DNAH3: variants seen among roughly 807,000 people sequenced by gnomAD.
The protein encoded by DNAH3 is axonemal beta dynein heavy chain 3.
A neutral mutation model predicts 432.5 loss-of-function variants in DNAH3; 332 were observed. The observed-to-expected ratio is 0.77, with a 90% CI of 0.70 to 0.84. The LOEUF (loss-of-function observed/expected upper bound fraction) is 0.84. DNAH3 is among the 40% of genes least tolerant of loss of function. The pLI, the probability that DNAH3 is intolerant of heterozygous loss-of-function variation, is 0.00. For missense variants in DNAH3, 4,861 were observed against 5,114.0 expected (o/e 0.95, Z 1.51); for synonymous variants, 1,956 against 1,900.2 (o/e 1.03, Z -0.76).
chr16:21,054,878 T>C (rs1340182554), intron 27 of DNAH3, among the ~76,000 whole-genome samples: 2 of 152,178 alleles, frequency 1.3e-5, no homozygotes, highest in African/African-American at 4.8e-5. Context: ...GACATTTTTT[T>C]TGGGTGGTGT....
At chr16:21,021,276 G>A (rs764743720) in intron 40 of DNAH3, among the ~76,000 whole-genome samples, 75 of 152,168 alleles carry the variant, frequency 4.9e-4, no homozygotes, top group Non-Finnish European at 8.7e-4. Context: ...GGATCAATAA[G>A]TCTACATTTA....
chr16:21,003,491 G>A (rs2087129505), intron 41 of DNAH3, among the ~76,000 whole-genome samples: 2 of 152,170 alleles, frequency 1.3e-5, no homozygotes, highest in South Asian at 4.1e-4. Flanking sequence ...AATAGAACAA[G>A]GCCAGGTACA....
In DNAH3 at chr16:21,019,356, C is replaced by T. The variant is rs375367319; in HGVS notation, c.6022+268G>A. ...TGTATTTTTAATAGAGACGGGGTTT[C>T]ACCATGTTGGCCAGGCCGGTCTTGA... is the stretch of plus-strand genomic sequence containing the variant. On this transcript the variant is annotated intron_variant, in intron 41 of 61. Coordinates refer to ENST00000261383, the Ensembl canonical transcript of DNAH3. The T allele has an allele frequency of 3.9e-4, 172 of 438,042 alleles. 3 individuals carry two copies. The East Asian group carries it at 5.6e-3, about 14-fold the overall frequency. The allele number at this position is 438,042 out of a possible 1,614,324, so 27.1% of individuals were successfully genotyped here.
intron 11 of DNAH3, among the ~76,000 whole-genome samples, chr16:21,118,323 G>C (rs990362330): frequency 6.6e-6 from 1 of 152,148 alleles, no homozygotes; most frequent in African/African-American, 2.4e-5. Flanking sequence ...CTGTAAAAAA[G>C]AAGAGATGTA....
intron 44 of DNAH3, among the ~76,000 whole-genome samples, chr16:20,994,951 CT>C (rs1555523275): frequency 6.6e-6 from 1 of 151,502 alleles, no homozygotes; most frequent in Middle Eastern, 3.4e-3. Context: ...TTTTTCTTCT[CT>C]TTTTTTTAGA....
At chr16:20,974,584 T>TTTG (rs1555514751) in intron 51 of DNAH3, among the ~76,000 whole-genome samples, 2 of 133,516 alleles carry the variant, frequency 1.5e-5, no homozygotes, top group African/African-American at 5.7e-5. Context: ...ATAGTGTTTT[T>TTTG]TTTTTTTTTT....
At chr16:21,131,318 C>T (rs1447032909) in intron 7 of DNAH3, among the ~76,000 whole-genome samples, 1 of 151,194 alleles carries the variant, frequency 6.6e-6, no homozygotes, top group Non-Finnish European at 1.5e-5. Context: ...AGAGCAAAAG[C>T]TTGTCTAAAA....
chr16:21,158,932 G>T (rs1158648131), intron 1 of DNAH3, among the ~76,000 whole-genome samples: 1 of 151,948 alleles, frequency 6.6e-6, no homozygotes, highest in East Asian at 1.9e-4. Flanking sequence ...CGCCGGGACG[G>T]GGCTGGGAGC....
intron 9 of DNAH3, among the ~76,000 whole-genome samples, chr16:21,124,039 G>T (rs1008516511): frequency 9.9e-5 from 15 of 152,264 alleles, no homozygotes; most frequent in African/African-American, 3.6e-4. Flanking sequence ...TGATCTGCCT[G>T]CCTCGGTCTC....
At chr16:20,981,304 T>C (rs892912096) in intron 49 of DNAH3, among the ~76,000 whole-genome samples, 1 of 152,196 alleles carries the variant, frequency 6.6e-6, no homozygotes, top group African/African-American at 2.4e-5. Context: ...CACTGAATTC[T>C]ACCCACAAGC....
chr16:21,131,436 G>GA (rs1555570351), intron 7 of DNAH3, among the ~76,000 whole-genome samples: 1 of 143,620 alleles, frequency 7.0e-6, no homozygotes, highest in Admixed American at 7.1e-5. Flanking sequence ...GAAAAGAAAG[G>GA]AAGAAAGAAA....
intron 50 of DNAH3, among the ~76,000 whole-genome samples, chr16:20,976,394 T>C (rs1458783080): frequency 6.6e-6 from 1 of 152,110 alleles, no homozygotes; most frequent in East Asian, 1.9e-4. Flanking sequence ...GGTTTCACCA[T>C]GTTGGCCAGA....
In DNAH3 at chr16:20,988,707, G is replaced by A. The variant is rs145590378; in HGVS notation, c.6602-642C>T. 2.2e-3 allele frequency among the ~76,000 whole-genome samples: 339 copies of A among 152,358 alleles called. 2 individuals carry two copies. Among genetic ancestry groups the A allele is most frequent in the African/African-American group, 7.4e-3 (308 of 41,588 alleles). ...AAAGTGAAAATCTCCTTTTGTGTCC[G>A]GAATTGGTGGGTTCTTAGTCTCACT... On this transcript the variant is annotated intron_variant, in intron 44 of 61. Transcript: ENST00000261383.
intron 29 of DNAH3, among the ~76,000 whole-genome samples, chr16:21,050,297 A>T (rs1182032596): frequency 6.6e-6 from 1 of 152,234 alleles, no homozygotes; most frequent in Admixed American, 6.5e-5. Context: ...GCACCCATGA[A>T]TATTTGTTTG....
chr16:20,942,069 T>C (rs139799383), intron 58 of DNAH3, among the ~76,000 whole-genome samples: 1 of 125,104 alleles, frequency 8.0e-6, no homozygotes, highest in Admixed American at 8.2e-5. Context: ...GTCTAAAAGT[T>C]AAAAAAAAAA....
At chr16:20,963,677 G>A (rs1339104236) in exon 53 of DNAH3, 1 of 1,613,932 alleles carries the variant, frequency 6.2e-7, no homozygotes, top group Non-Finnish European at 8.5e-7. Flanking sequence ...GGGTTATCCA[G>A]TGCGATGCCT....
chr16:21,056,494 T>C (rs1000353021), intron 27 of DNAH3, among the ~76,000 whole-genome samples: 2 of 148,250 alleles, frequency 1.3e-5, no homozygotes. Context: ...ATCACAGTTC[T>C]GTAAAAGAGC....
At chr16:20,936,012 T>C (rs1358240122) in intron 60 of DNAH3, among the ~76,000 whole-genome samples, 2 of 152,146 alleles carry the variant, frequency 1.3e-5, no homozygotes, top group Non-Finnish European at 2.9e-5. Flanking sequence ...GTTTCAGGTC[T>C]TCTATTTTTT....
chr16:21,085,603 C>G (rs2091342192), intron 19 of DNAH3, among the ~76,000 whole-genome samples: 1 of 151,490 alleles, frequency 6.6e-6, no homozygotes, highest in Non-Finnish European at 1.5e-5. Flanking sequence ...TCACCCCATC[C>G]TTTGGTTAGG....
Sources: allele counts gnomAD v4.1 joint callset (sites outside exome capture counted in the v4.1 genomes callset), GRCh38; gene constraint gnomAD v4.1.1; transcripts MANE v1.5; gene names NCBI Gene and HGNC (gene_info 2026-07-23, HGNC 2026-07-21).